The following TIA1 variants were observed in gnomAD, a reference collection of about 807,000 sequenced individuals.
The protein encoded by TIA1 is TIA1 cytotoxic granule associated RNA binding protein, also known as cytotoxic granule associated RNA binding protein TIA1.
A neutral mutation model predicts 65.9 loss-of-function variants in TIA1; 23 were observed. That is an observed-to-expected ratio of 0.35 (90% CI 0.25 to 0.49). The LOEUF (loss-of-function observed/expected upper bound fraction) is 0.49. Ranked by LOEUF, TIA1 falls within the 20% of genes least tolerant of loss-of-function variation. The pLI is 0.98. For missense variants in TIA1, 371 were observed against 477.9 expected, an observed-to-expected ratio of 0.78 and a Z score of 2.09; for synonymous variants, 147 against 149.4, an observed-to-expected ratio of 0.98 and a Z score of 0.12.
Position 70,214,390 on chromosome 2 carries a change from T to G in TIA1, c.993A>C (p.Ala331=). The part of the protein sequence containing the change: ...QYMPNGWQVP[A]YGMYGQAWNQ... ...TCCATGCCTGGCCATACATTCCATATGCAGGAACTTGCCAACCATTAGGCA... is the reference window on the plus strand; with the variant it reads ...TCCATGCCTGGCCATACATTCCATAGGCAGGAACTTGCCAACCATTAGGCA... Residue 331 remains alanine (A), a synonymous_variant, in exon 12 of 13, where the codon GCA becomes GCC. Coordinates refer to ENST00000433529, the MANE Select transcript of TIA1 (RefSeq NM_022173.4). The G allele has an allele frequency of 6.2e-7, 1 of 1,613,982 alleles. No individual in the cohort carries two copies.
In TIA1 at chr2:70,216,869, T is replaced by C; in HGVS notation, c.583+17A>G. ...CTCCAAAATTCCACATTTCCTTTTC[T>C]TCTCCAATACACCTACACTCATATG... On this transcript the variant is annotated intron_variant, in intron 8 of 12. Coordinates refer to ENST00000433529, the MANE Select transcript of TIA1 (RefSeq NM_022173.4). 1 of 1,614,080 alleles carries C rather than the reference T, an allele frequency of 6.2e-7. No individual in the cohort carries two copies. Among genetic ancestry groups the C allele is most frequent in the African/African-American group, 1.3e-5 (1 of 75,068 alleles).
In TIA1 at chr2:70,229,264, T is replaced by C. The variant is rs1490560334; in HGVS notation, c.277A>G (p.Ser93Gly). ...TPSSQKKDTS[S>G]STVVSTQRSQ... is the part of the protein sequence containing the mutation. ...TTCAAAGAGCATAAAATATACTTAC[T>C]GCTTGTATCTTTCTTTTGACTGCTA... Residue 93 changes from serine to glycine, a missense_variant and splice_region_variant, in exon 4 of 13, where the codon AGT (serine) becomes GGT (glycine). Transcript: ENST00000433529. The C allele has an allele frequency of 6.2e-7, 1 of 1,613,748 alleles. No individual in the cohort carries two copies. The highest frequency in any genetic ancestry group is 8.5e-7 in the Non-Finnish European group (1 of 1,179,940).
intron 1 of TIA1, among the ~76,000 whole-genome samples, chr2:70,238,575 G>C (rs543520734): frequency 1.8e-4 from 27 of 152,154 alleles, no homozygotes; most frequent in African/African-American, 6.5e-4. Context: ...TTTTTGAAAA[G>C]TTATAGGTAA....
Position 70,248,603 on chromosome 2 carries a change from A to G in TIA1, c.-173T>C, listed in dbSNP as rs1427050413. On this transcript the variant is annotated 5_prime_UTR_variant, in exon 1 of 13. Transcript: ENST00000433529. ...TAAACCGCCCGGCCCAGCGGGAACA[A>G]TGAAACCCCAATACAAGATGGCGGC... 2 of 896,680 alleles carry G rather than the reference A, an allele frequency of 2.2e-6. No homozygotes were observed. Among genetic ancestry groups the G allele is most frequent in the Admixed American group, 2.2e-5 (1 of 45,530 alleles). The allele number at this position is 896,680 out of a possible 1,614,324, so 55.5% of individuals were successfully genotyped here. A position where few individuals can be genotyped will look rare whatever the true frequency, so the allele number is the denominator to read the frequency against.
intron 1 of TIA1, among the ~76,000 whole-genome samples, chr2:70,237,154 G>A (rs1393712546): frequency 2.6e-5 from 4 of 152,170 alleles, no homozygotes; most frequent in Non-Finnish European, 5.9e-5. Context: ...TGTAATCCCA[G>A]CACTTTGGGA....
At chr2:70,215,139 C>G in intron 11 of TIA1, 1 of 500,316 alleles carries the variant, frequency 2.0e-6, no homozygotes, top group Non-Finnish European at 3.5e-6. Flanking sequence ...TTAGGTTTCT[C>G]GGAGCATTTT....
chr2:70,242,700 A>G (rs1024233484), intron 1 of TIA1, among the ~76,000 whole-genome samples: 1 of 152,100 alleles, frequency 6.6e-6, no homozygotes, highest in African/African-American at 2.4e-5. Flanking sequence ...CCTGTTAGGA[A>G]CTGGGCCACA....
chr2:70,222,819 CAGA>C (rs1056543498), intron 7 of TIA1, among the ~76,000 whole-genome samples: 11 of 152,276 alleles, frequency 7.2e-5, no homozygotes, highest in African/African-American at 2.6e-4. Context: ...GAGGCTGAGG[CAGA>C]AGAATTGCTT....
chr2:70,234,402 T>C (rs770473573), intron 2 of TIA1, among the ~76,000 whole-genome samples: 9 of 152,170 alleles, frequency 5.9e-5, no homozygotes, highest in Non-Finnish European at 1.2e-4. Flanking sequence ...GGTACATGGA[T>C]TTTTTCTCCT....
Position 70,248,552 on chromosome 2 carries a change from GCCT to G in TIA1, c.-125_-123del. 5.5e-6 allele frequency: 8 copies of G among 1,454,606 alleles called. No individual in the cohort carries two copies. Among genetic ancestry groups the G allele is most frequent in the Non-Finnish European group, 7.5e-6 (8 of 1,061,100 alleles). 90.1% of individuals were successfully genotyped at this position (1,454,606 alleles called of 1,614,324 possible). A position where few individuals can be genotyped will look rare whatever the true frequency, so the allele number is the denominator to read the frequency against. On this transcript the variant is annotated 5_prime_UTR_variant, in exon 1 of 13. Coordinates refer to ENST00000433529, the MANE Select transcript of TIA1 (RefSeq NM_022173.4). Reference sequence around the variant, plus strand: ...TTCTCGGCTGACCAGAGGTTACTCCGCCTCCTCCTCCGGCGGCAATTACACTAA... The same window carrying G: ...TTCTCGGCTGACCAGAGGTTACTCCGCCTCCTCCGGCGGCAATTACACTAA...
At chr2:70,231,355 T>C (rs2104461611) in intron 2 of TIA1, among the ~76,000 whole-genome samples, 1 of 151,976 alleles carries the variant, frequency 6.6e-6, no homozygotes, top group Non-Finnish European at 1.5e-5. Context: ...CCAGCTACTT[T>C]AGGAGGCTGA....
At chr2:70,219,352 G>C (rs1680167879) in intron 7 of TIA1, among the ~76,000 whole-genome samples, 2 of 152,186 alleles carry the variant, frequency 1.3e-5, no homozygotes, top group Admixed American at 6.5e-5. Flanking sequence ...GGTACAAAGT[G>C]AGAGTAAAAC....
rs775699714 is a variant in TIA1, at chr2:70,242,198, CTT to C, written c.27-6025_27-6024del. Among the ~76,000 whole-genome samples, 142 of 152,074 alleles carry C rather than the reference CTT, an allele frequency of 9.3e-4. 1 individual carries two copies. Among genetic ancestry groups the C allele is most frequent in the Non-Finnish European group, 7.9e-4 (54 of 68,032 alleles). On this transcript the variant is annotated intron_variant, in intron 1 of 12. Transcript: ENST00000433529. ...AAAACTCTGTACTATCTCTGCATCT[CTT>C]GTGTGTCTACTCTCACCTGACTCTT...
intron 1 of TIA1, among the ~76,000 whole-genome samples, chr2:70,247,440 AAT>A (rs1203863888): frequency 1.3e-5 from 2 of 152,200 alleles, no homozygotes; most frequent in Non-Finnish European, 2.9e-5. Flanking sequence ...GTATTCCAAG[AAT>A]ATAAACAAAA....
chr2:70,243,355 A>T (rs989869601), intron 1 of TIA1, among the ~76,000 whole-genome samples: 4 of 152,178 alleles, frequency 2.6e-5, no homozygotes, highest in African/African-American at 9.7e-5. Flanking sequence ...TGAGCCTGAG[A>T]GGTCGAGGCT....
chr2:70,220,311 T>C (rs1371193389), intron 7 of TIA1, among the ~76,000 whole-genome samples: 1 of 151,994 alleles, frequency 6.6e-6, no homozygotes, highest in Admixed American at 6.6e-5. Context: ...TAGGAGGTTG[T>C]GATGGAAAGA....
intron 1 of TIA1, among the ~76,000 whole-genome samples, chr2:70,241,552 T>C (rs1043153784): frequency 1.3e-5 from 2 of 152,162 alleles, no homozygotes; most frequent in Non-Finnish European, 2.9e-5. Flanking sequence ...TCTTCCTGAG[T>C]GTGAGCTAGC....
chr2:70,213,002 T>C (rs953520941), intron 12 of TIA1, among the ~76,000 whole-genome samples, 157 bp from the exon 13 acceptor site: 1 of 152,246 alleles, frequency 6.6e-6, no homozygotes, highest in Admixed American at 6.5e-5. Context: ...AATGAAATCT[T>C]TTACTAAAGT....
At chr2:70,237,388 G>A (rs930469740) in intron 1 of TIA1, among the ~76,000 whole-genome samples, 4 of 151,756 alleles carry the variant, frequency 2.6e-5, no homozygotes, top group African/African-American at 9.7e-5. Context: ...GCAACAGAGT[G>A]AGACTATGTC....
Sources: allele counts gnomAD v4.1 joint callset (sites outside exome capture counted in the v4.1 genomes callset), GRCh38; gene constraint gnomAD v4.1.1; transcripts MANE v1.5; gene names NCBI Gene and HGNC (gene_info 2026-07-23, HGNC 2026-07-21).